Variants in PFKFB4 observed in about 807,000 individuals in gnomAD.
PFKFB4 encodes the protein 6-phosphofructo-2-kinase/fructose-2,6-bisphosphatase 4.
A neutral mutation model predicts 62.8 loss-of-function variants in PFKFB4; 42 were observed. The observed-to-expected ratio is 0.67, with a 90% CI of 0.52 to 0.86. The LOEUF (loss-of-function observed/expected upper bound fraction) is 0.86. PFKFB4 is among the 40% of genes least tolerant of loss of function. PFKFB4 has a pLI of 0.00. For missense variants in PFKFB4, 475 were observed against 627.2 expected (o/e 0.76, Z 2.59); for synonymous variants, 204 against 240.7 (o/e 0.85, Z 1.41).
chr3:48,522,434 G>C (rs1179525630), intron 12 of PFKFB4, among the ~76,000 whole-genome samples: 11 of 152,210 alleles, frequency 7.2e-5, no homozygotes, highest in Non-Finnish European at 1.5e-5. Context: ...GGTGCACAGT[G>C]CAATGGGGGA....
intron 12 of PFKFB4, among the ~76,000 whole-genome samples, chr3:48,522,846 C>T (rs909969815): frequency 2.0e-5 from 3 of 151,752 alleles, no homozygotes; most frequent in East Asian, 3.9e-4. Context: ...CTGCAAGTTC[C>T]GCCTCCCGGG....
intron 13 of PFKFB4, among the ~76,000 whole-genome samples, chr3:48,520,313 C>T (rs2042058585): frequency 6.6e-6 from 1 of 152,182 alleles, no homozygotes; most frequent in South Asian, 2.1e-4. Flanking sequence ...CTGAAGCCCT[C>T]AGCTATAGAA....
Position 48,556,639 on chromosome 3 carries a change from C to T in PFKFB4, c.97+42G>A, listed in dbSNP as rs755024529. The T allele has an allele frequency of 1.8e-6, 2 of 1,094,670 alleles. No individual in the cohort carries two copies. The highest frequency in any genetic ancestry group is 1.2e-5 in the South Asian group (1 of 80,824). The allele number at this position is 1,094,670 out of a possible 1,614,324, so 67.8% of individuals were successfully genotyped here. ...CGCCCAGGCCGCCCTACCCACCCAT[C>T]CCGGTGCACCTCCCACCTCCTCCCA... is the stretch of plus-strand genomic sequence containing the variant. On this transcript the variant is annotated intron_variant, in intron 1 of 13. Transcript: ENST00000232375. This position sits in a 1 kb window ranked among gnomAD's most constrained non-coding sequence, Gnocchi z 5.7.
chr3:48,536,500 T>C (rs1387893623), intron 7 of PFKFB4, 37 bp from the exon 8 acceptor site: 3 of 1,536,440 alleles, frequency 2.0e-6, no homozygotes, highest in African/African-American at 2.7e-5. Context: ...CCTGTGAGCG[T>C]GGCCAGGGTT....
intron 1 of PFKFB4, among the ~76,000 whole-genome samples, chr3:48,553,551 C>T (rs2043220198): frequency 6.6e-6 from 1 of 152,230 alleles, no homozygotes; most frequent in South Asian, 2.1e-4. Flanking sequence ...CCCAACTTCC[C>T]TCATGGGTTC....
intron 1 of PFKFB4, among the ~76,000 whole-genome samples, chr3:48,555,869 ACTTGCTCCAG>A (rs1052168139): frequency 6.6e-6 from 1 of 152,032 alleles, no homozygotes; most frequent in Admixed American, 6.5e-5. Context: ...GCGCCACTGC[ACTTGCTCCAG>A]CTTGGGCCAC....
chr3:48,543,180 C>T (rs1397081009), intron 4 of PFKFB4, among the ~76,000 whole-genome samples: 1 of 152,214 alleles, frequency 6.6e-6, no homozygotes, highest in Non-Finnish European at 1.5e-5. Flanking sequence ...GAAGGGCCAA[C>T]ACACAGGTGG....
chr3:48,552,776 A>G (rs2043195273), intron 1 of PFKFB4, among the ~76,000 whole-genome samples: 1 of 152,026 alleles, frequency 6.6e-6, no homozygotes, highest in Non-Finnish European at 1.5e-5. Flanking sequence ...CACATCTCCT[A>G]TTTTCCCAGA....
At chr3:48,555,862 C>G (rs2043299595) in intron 1 of PFKFB4, among the ~76,000 whole-genome samples, 1 of 152,000 alleles carries the variant, frequency 6.6e-6, no homozygotes, top group South Asian at 2.1e-4. Flanking sequence ...TATGATCGCG[C>G]CACTGCACTT....
In PFKFB4 at chr3:48,556,218, C is replaced by A. The variant is rs765506815; in HGVS notation, c.97+463G>T. ...ACCCTTCCTCCTGTTGGAAAACTAG[C>A]CCACCTTTGAAAGTTCTGGGCTCAG... On this transcript the variant is annotated intron_variant, in intron 1 of 13. Coordinates refer to ENST00000232375, the MANE Select transcript of PFKFB4 (RefSeq NM_004567.4). The surrounding 1 kb of genome is among the most constrained non-coding windows in gnomAD (Gnocchi z 5.7). 4 of 461,872 alleles carry A rather than the reference C, an allele frequency of 8.7e-6. No homozygotes were observed. The highest frequency in any genetic ancestry group is 6.2e-5 in the South Asian group (4 of 64,608). The allele number at this position is 461,872 out of a possible 1,614,324, so 28.6% of individuals were successfully genotyped here.
chr3:48,549,474 C>G (rs1029325961), intron 3 of PFKFB4, among the ~76,000 whole-genome samples: 3 of 152,110 alleles, frequency 2.0e-5, no homozygotes, highest in Admixed American at 6.5e-5. Flanking sequence ...CTGGGGTGAG[C>G]GAGCGTGACC....
chr3:48,541,998 T>C (rs1466864931), intron 4 of PFKFB4, among the ~76,000 whole-genome samples: 1 of 151,618 alleles, frequency 6.6e-6, no homozygotes, highest in East Asian at 1.9e-4. Context: ...CATATACTTG[T>C]AAGATAATGT....
At chr3:48,554,881 A>C (rs1048748887) in intron 1 of PFKFB4, among the ~76,000 whole-genome samples, 1 of 151,982 alleles carries the variant, frequency 6.6e-6, no homozygotes, top group Admixed American at 6.6e-5. Context: ...GTGAAACTCC[A>C]TCCTACTAAA....
chr3:48,522,241 C>G (rs888343330), intron 12 of PFKFB4, among the ~76,000 whole-genome samples, 191 bp from the exon 13 acceptor site: 2 of 152,168 alleles, frequency 1.3e-5, no homozygotes, highest in South Asian at 4.1e-4. Flanking sequence ...GTCAGACCCA[C>G]GCATATCTAT....
intron 7 of PFKFB4, among the ~76,000 whole-genome samples, chr3:48,537,591 G>A (rs894303058): frequency 3.6e-5 from 5 of 139,406 alleles, no homozygotes; most frequent in African/African-American, 1.4e-4. Context: ...TGGTGCAACT[G>A]CAACTCACTA....
chr3:48,556,903 C>T, upstream of PFKFB4: 1 of 1,422,364 alleles, frequency 7.0e-7, no homozygotes, highest in Non-Finnish European at 9.2e-7. The surrounding 1 kb of genome is among the most constrained non-coding windows in gnomAD (Gnocchi z 5.7). Flanking sequence ...GTCTATCTTC[C>T]CGCAGGTCCC....
At chr3:48,542,047 A>T (rs1193283685) in intron 4 of PFKFB4, among the ~76,000 whole-genome samples, 5 of 152,210 alleles carry the variant, frequency 3.3e-5, no homozygotes, top group Non-Finnish European at 2.9e-5. Flanking sequence ...CAAAAAAAAC[A>T]GAGAAAATAA....
intron 9 of PFKFB4, among the ~76,000 whole-genome samples, chr3:48,529,650 C>CA (rs1328946705): frequency 2.0e-5 from 3 of 152,024 alleles, no homozygotes; most frequent in Non-Finnish European, 4.4e-5. Flanking sequence ...AAATGAGCTA[C>CA]AAAATGAGTT....
chr3:48,541,934 A>T (rs2042811849), intron 4 of PFKFB4, among the ~76,000 whole-genome samples: 1 of 152,236 alleles, frequency 6.6e-6, no homozygotes. Context: ...ACTACACTCC[A>T]GCCTGGGCAA....
Sources: allele counts gnomAD v4.1 joint callset (sites outside exome capture counted in the v4.1 genomes callset), GRCh38; gene constraint gnomAD v4.1.1; non-coding constraint Gnocchi (gnomAD v3.1); transcripts MANE v1.5; gene names NCBI Gene and HGNC (gene_info 2026-07-23, HGNC 2026-07-21).